Variants in ZDHHC11 observed in about 807,000 individuals in gnomAD.
ZDHHC11 encodes zDHHC palmitoyltransferase 11.
A neutral mutation model predicts 51.3 loss-of-function variants in ZDHHC11; 44 were observed. The observed-to-expected ratio is 0.86, with a 90% CI of 0.67 to 1.10. The LOEUF is 1.10. Among genes scored for constraint, ZDHHC11 ranks in the 50% least tolerant of loss-of-function variants. The pLI is 0.00. For missense variants in ZDHHC11, 400 were observed against 537.7 expected (o/e 0.74, Z 2.53); for synonymous variants, 163 against 222.0 (o/e 0.73, Z 2.36).
At chr5:860,264 G>A (rs551634424), upstream of ZDHHC11, among the ~76,000 whole-genome samples, 1 of 152,344 alleles carries the variant, frequency 6.6e-6, no homozygotes, top group East Asian at 1.9e-4. The surrounding 1 kb of genome is among the most constrained non-coding windows in gnomAD (Gnocchi z 4.2). Flanking sequence ...CTGAGACGGT[G>A]CTGCTGGACC....
intron 6 of ZDHHC11, among the ~76,000 whole-genome samples, chr5:835,008 T>C (rs1348086194): frequency 3.3e-5 from 5 of 151,922 alleles, no homozygotes; most frequent in African/African-American, 1.2e-4. Flanking sequence ...GAAGAGCAAA[T>C]ATTTTCAATT....
chr5:814,761 C>A lies in ZDHHC11; in HGVS notation c.1181G>T (p.Gly394Val), dbSNP rs370784284. The A allele has an allele frequency of 2.4e-5, 37 of 1,559,244 alleles. 1 individual carries two copies. The Middle Eastern group carries it at 5.0e-4, about 21-fold the overall frequency. Reference protein sequence around the residue: ...ADDAPSISTLGLQQETTEPMK... With the variant: ...ADDAPSISTLVLQQETTEPMK... Reference sequence around the variant, plus strand: ...GTTCCCGTTAAACTTACGAACTTACCCAAGTGTAGATATACTCGGGGCATC... The same window carrying A: ...GTTCCCGTTAAACTTACGAACTTACACAAGTGTAGATATACTCGGGGCATC... The change falls in exon 11 of 13, where the codon GGG becomes GTG. Residue 394 changes from glycine to valine, a missense_variant and splice_region_variant. Coordinates refer to ENST00000283441, the MANE Select transcript of ZDHHC11 (RefSeq NM_024786.3).
chr5:844,072 A>C (rs1371070922), intron 3 of ZDHHC11, among the ~76,000 whole-genome samples: 3 of 151,456 alleles, frequency 2.0e-5, no homozygotes, highest in Non-Finnish European at 4.4e-5. Context: ...TGGAGCCCGC[A>C]GGGTGGAGGT....
chr5:824,983 C>T (rs1437936430), intron 8 of ZDHHC11, among the ~76,000 whole-genome samples, 181 bp downstream of exon 8: 7 of 151,524 alleles, frequency 4.6e-5, no homozygotes, highest in Non-Finnish European at 8.9e-5. Context: ...GGAAGCATTC[C>T]TGCCTCTCAC....
intron 6 of ZDHHC11, among the ~76,000 whole-genome samples, chr5:835,975 C>G (rs1743783178): frequency 6.6e-6 from 1 of 151,790 alleles, no homozygotes; most frequent in Non-Finnish European, 1.5e-5. Flanking sequence ...GGTCTTAAAA[C>G]ATACTTTTTA....
At position 821,862 on chromosome 5, in the gene ZDHHC11, C is replaced by T; in HGVS notation, c.1057G>A (p.Gly353Arg). ...ATCCCATTAAACTTACAAACTCACCCAAGTGCAGATGGACACGGGTCTTCA... is the reference window on the plus strand; with the variant it reads ...ATCCCATTAAACTTACAAACTCACCTAAGTGCAGATGGACACGGGTCTTCA... Reference protein sequence around the residue: ...GDEDPCPSALGAKARNSRLIC... With the variant: ...GDEDPCPSALRAKARNSRLIC... The change falls in exon 9 of 13, where the codon GGA becomes AGA. Residue 353 changes from glycine (G) to arginine (R), a missense_variant and splice_region_variant. This residue lies in a region of ZDHHC11 where 231 missense variants were observed against 227.4 expected (regional missense o/e 1.02). Coordinates refer to ENST00000283441, the MANE Select transcript of ZDHHC11 (RefSeq NM_024786.3). The T allele has an allele frequency of 1.2e-6, 2 of 1,605,156 alleles. No homozygotes were observed. The highest frequency in any genetic ancestry group is 1.7e-6 in the Non-Finnish European group (2 of 1,173,714).
chr5:824,054 C>T (rs1741932276), intron 8 of ZDHHC11: 1 of 454,782 alleles, frequency 2.2e-6, no homozygotes, highest in East Asian at 6.9e-5. Flanking sequence ...GTCACAGGAG[C>T]CTGTTCCCTG....
intron 10 of ZDHHC11, chr5:816,850 A>C (rs1579602892): frequency 2.1e-6 from 1 of 472,352 alleles, no homozygotes; most frequent in East Asian, 5.1e-5. Context: ...GCTGACCTTC[A>C]TCAGCAGGAG....
chr5:851,446 AGAG>A (rs1451385792), upstream of ZDHHC11, among the ~76,000 whole-genome samples: 1 of 152,206 alleles, frequency 6.6e-6, no homozygotes, highest in Admixed American at 6.5e-5. Context: ...CGGTCTCTAC[AGAG>A]GAGGGTTAGG....
upstream of ZDHHC11, among the ~76,000 whole-genome samples, chr5:852,898 G>A (rs1445776666): frequency 6.8e-6 from 1 of 147,726 alleles, no homozygotes; most frequent in African/African-American, 2.5e-5. Context: ...AGGACAGTGA[G>A]CAGCGGGGAC....
At chr5:837,264 C>T (rs1744008267) in intron 6 of ZDHHC11, 101 bp downstream of exon 6, 34 of 1,325,654 alleles carry the variant, frequency 2.6e-5, no homozygotes, top group South Asian at 1.7e-4. Flanking sequence ...TGGGCTGCAT[C>T]GGCCCTGAAG....
rs1015868924 is a variant in ZDHHC11, at chr5:828,667, C to A, written c.936-3416G>T. On this transcript the variant is annotated intron_variant, in intron 7 of 12. Coordinates refer to ENST00000283441, the MANE Select transcript of ZDHHC11 (RefSeq NM_024786.3). ...AACAAAAGGACTTGACAGATATTTA[C>A]AGAACACTCTACCCAACAACTGCAG... is the stretch of plus-strand genomic sequence containing the variant. 5.3e-5 allele frequency among the ~76,000 whole-genome samples: 8 copies of A among 151,314 alleles called. 1 individual carries two copies. The highest frequency in any genetic ancestry group is 2.0e-4 in the African/African-American group (8 of 41,018).
intron 10 of ZDHHC11, among the ~76,000 whole-genome samples, chr5:818,872 T>C (rs1208649201): frequency 4.0e-5 from 6 of 150,968 alleles, no homozygotes; most frequent in Non-Finnish European, 7.4e-5. Context: ...AAAAAATAAA[T>C]AACAACCCAG....
intron 12 of ZDHHC11, among the ~76,000 whole-genome samples, chr5:800,478 T>C (rs201066982): frequency 0.054 from 8,077 of 150,030 alleles, 363 homozygotes; most frequent in African/African-American, 0.16. Flanking sequence ...TGAGGGGATA[T>C]AGTAGTGGAG....
intron 7 of ZDHHC11, among the ~76,000 whole-genome samples, chr5:827,745 A>AT (rs568074946): frequency 8.7e-4 from 126 of 144,580 alleles, no homozygotes; most frequent in Middle Eastern, 7.0e-3. Context: ...TTTATTCTTT[A>AT]TTTTTTTTTT....
chr5:844,364 G>C (rs1463770890), intron 3 of ZDHHC11, among the ~76,000 whole-genome samples: 7 of 152,284 alleles, frequency 4.6e-5, no homozygotes, highest in African/African-American at 1.7e-4. Flanking sequence ...CCCTTTTCAC[G>C]AGTGGGGAAA....
In ZDHHC11 at chr5:850,573, G is replaced by T. The variant is rs770290246; in HGVS notation, c.30C>A (p.Ser10=). 1.2e-6 allele frequency: 2 copies of T among 1,613,360 alleles called. No individual in the cohort carries two copies. Among genetic ancestry groups the T allele is most frequent in the Non-Finnish European group, 1.7e-6 (2 of 1,179,998 alleles). The change falls in exon 1 of 13, where the codon TCC becomes TCA. Residue 10 remains serine (S), a synonymous_variant. Coordinates refer to ENST00000283441, the MANE Select transcript of ZDHHC11 (RefSeq NM_024786.3). MDTRSGSQC[S]VTPEAILNNE... ...TATTGAGTATGGCTTCTGGGGTGAC[G>T]GAACACTGGCTCCCGGAGCGGGTGT...
At chr5:824,700 C>G (rs906172847) in intron 8 of ZDHHC11, among the ~76,000 whole-genome samples, 4 of 151,090 alleles carry the variant, frequency 2.6e-5, no homozygotes, top group African/African-American at 9.7e-5. Flanking sequence ...TACACTTGTA[C>G]GTGTGACCAC....
At chr5:814,425 A>G (rs1227139554) in intron 11 of ZDHHC11, among the ~76,000 whole-genome samples, 3 of 151,388 alleles carry the variant, frequency 2.0e-5, no homozygotes, top group African/African-American at 7.3e-5. Context: ...AGTTGAAATG[A>G]CAAGATCTGA....
Sources: allele counts gnomAD v4.1 joint callset (sites outside exome capture counted in the v4.1 genomes callset), GRCh38; gene constraint gnomAD v4.1.1; regional missense constraint gnomAD v4.1.1; non-coding constraint Gnocchi (gnomAD v3.1); transcripts MANE v1.5; gene names NCBI Gene and HGNC (gene_info 2026-07-23, HGNC 2026-07-21).